Variants in SPOCK3 observed in about 807,000 individuals in gnomAD.
The protein encoded by SPOCK3 is testican-3.
SPOCK3 carries 30 observed loss-of-function variants against 56.6 expected under a neutral mutation model. That is an observed-to-expected ratio of 0.53 (90% CI 0.40 to 0.72). SPOCK3 has a LOEUF of 0.72. SPOCK3 is among the 30% of genes least tolerant of loss of function. The pLI is 0.00. For missense variants in SPOCK3, 527 were observed against 530.0 expected (o/e 0.99, Z 0.06); for synonymous variants, 196 against 183.3 (o/e 1.07, Z -0.56).
intron 4 of SPOCK3, among the ~76,000 whole-genome samples, chr4:166,925,982 A>G (rs1285655959): frequency 6.6e-6 from 1 of 152,198 alleles, no homozygotes; most frequent in Non-Finnish European, 1.5e-5. Context: ...AAAATCAAAT[A>G]AACTTCTTCT....
chr4:167,223,162 T>C (rs1282277215), intron 2 of SPOCK3, among the ~76,000 whole-genome samples: 1 of 127,436 alleles, frequency 7.8e-6, no homozygotes, highest in Non-Finnish European at 1.6e-5. Context: ...ATATATTTTA[T>C]ATATGAATAT....
intron 4 of SPOCK3, among the ~76,000 whole-genome samples, chr4:166,980,382 A>T (rs1223100253): frequency 2.0e-5 from 3 of 152,188 alleles, no homozygotes; most frequent in Non-Finnish European, 4.4e-5. Context: ...TTGCTTGATT[A>T]TGTCAATTGA....
chr4:166,905,662 TAGAA>T (rs1291164705), intron 5 of SPOCK3, among the ~76,000 whole-genome samples: 1 of 151,260 alleles, frequency 6.6e-6, no homozygotes, highest in Admixed American at 6.6e-5. Flanking sequence ...AGGCAAGAAA[TAGAA>T]AGATAAAAAA....
intron 4 of SPOCK3, among the ~76,000 whole-genome samples, chr4:166,996,962 C>G (rs1395335143): frequency 3.3e-5 from 5 of 152,112 alleles, no homozygotes; most frequent in African/African-American, 1.2e-4. Flanking sequence ...CGTTACATCC[C>G]TCATTTCATG....
At chr4:166,928,134 C>T (rs976084759) in intron 4 of SPOCK3, among the ~76,000 whole-genome samples, 1 of 152,124 alleles carries the variant, frequency 6.6e-6, no homozygotes, top group Non-Finnish European at 1.5e-5. Context: ...GGTGGGAATG[C>T]AAAATGATAC....
At chr4:167,070,563 A>C (rs973525245) in intron 2 of SPOCK3, among the ~76,000 whole-genome samples, 5 of 151,970 alleles carry the variant, frequency 3.3e-5, no homozygotes, top group African/African-American at 1.2e-4. Context: ...TATTATAATT[A>C]ACTTTTATTG....
chr4:167,035,310 C>T (rs897074821), intron 3 of SPOCK3, among the ~76,000 whole-genome samples: 1 of 151,728 alleles, frequency 6.6e-6, no homozygotes, highest in African/African-American at 2.4e-5. Flanking sequence ...TATATGATTA[C>T]CAGAACATCT....
At chr4:167,149,076 T>C (rs1022013813) in intron 2 of SPOCK3, among the ~76,000 whole-genome samples, 1 of 152,120 alleles carries the variant, frequency 6.6e-6, no homozygotes, top group South Asian at 2.1e-4. Context: ...ATAATGCATA[T>C]AGGAAATTAA....
intron 6 of SPOCK3, among the ~76,000 whole-genome samples, chr4:166,826,313 A>C (rs1019520830): frequency 6.6e-6 from 1 of 152,100 alleles, no homozygotes; most frequent in African/African-American, 2.4e-5. Context: ...GTGTTTTACA[A>C]TTTGGCAATT....
chr4:167,167,287 T>A (rs777931514), intron 2 of SPOCK3, among the ~76,000 whole-genome samples: 1 of 152,164 alleles, frequency 6.6e-6, no homozygotes, highest in East Asian at 1.9e-4. Context: ...ATGTAAGGAG[T>A]GTAATTCCTT....
intron 6 of SPOCK3, among the ~76,000 whole-genome samples, chr4:166,862,976 G>A (rs1386915242): frequency 6.6e-6 from 1 of 151,986 alleles, no homozygotes; most frequent in Non-Finnish European, 1.5e-5. Flanking sequence ...CTCCAAGTTT[G>A]AAATGAAGGA....
intron 9 of SPOCK3, among the ~76,000 whole-genome samples, chr4:166,738,467 T>C (rs1298482173): frequency 6.6e-6 from 1 of 151,646 alleles, no homozygotes; most frequent in Non-Finnish European, 1.5e-5. Flanking sequence ...GGTTTTTTTT[T>C]CTTTTTTTAT....
At chr4:167,137,618 CATT>C (rs1264685960) in intron 2 of SPOCK3, among the ~76,000 whole-genome samples, 1 of 151,816 alleles carries the variant, frequency 6.6e-6, no homozygotes, top group African/African-American at 2.4e-5. Context: ...TCCTATATAT[CATT>C]GATTCTTTCA....
intron 2 of SPOCK3, among the ~76,000 whole-genome samples, chr4:167,076,190 A>C (rs1463341643): frequency 6.6e-6 from 1 of 151,898 alleles, no homozygotes; most frequent in East Asian, 1.9e-4. Context: ...GGGAACAGGG[A>C]AACTATTTAG....
At chr4:167,174,092 C>T (rs907324537) in intron 2 of SPOCK3, among the ~76,000 whole-genome samples, 14 of 152,170 alleles carry the variant, frequency 9.2e-5, no homozygotes, top group African/African-American at 2.9e-4. Context: ...GAAACAATAA[C>T]ATTTTATTCC....
intron 2 of SPOCK3, among the ~76,000 whole-genome samples, chr4:167,199,928 GA>G (rs1235482032): frequency 6.6e-6 from 1 of 151,050 alleles, no homozygotes; most frequent in Non-Finnish European, 1.5e-5. Context: ...TACTAAAAAT[GA>G]AAAAAACCCA....
At chr4:166,787,301 A>G (rs1309300472) in intron 7 of SPOCK3, among the ~76,000 whole-genome samples, 1 of 152,202 alleles carries the variant, frequency 6.6e-6, no homozygotes, top group Admixed American at 6.5e-5. Flanking sequence ...GCATTTAAAC[A>G]TTCTTTGTAC....
intron 2 of SPOCK3, among the ~76,000 whole-genome samples, chr4:167,101,755 A>G (rs1450407247): frequency 7.7e-6 from 1 of 129,108 alleles, no homozygotes; most frequent in Non-Finnish European, 1.6e-5. Context: ...TTGCTCTGTC[A>G]CCAGGCTGCC....
At chr4:166,736,237 C>G (rs1488913733) in intron 10 of SPOCK3, among the ~76,000 whole-genome samples, 1 of 152,016 alleles carries the variant, frequency 6.6e-6, no homozygotes, top group African/African-American at 2.4e-5. Context: ...TGTCCACGTT[C>G]CAAAAGCAAT....
Sources: allele counts gnomAD v4.1 joint callset (sites outside exome capture counted in the v4.1 genomes callset), GRCh38; gene constraint gnomAD v4.1.1; transcripts MANE v1.5; gene names NCBI Gene and HGNC (gene_info 2026-07-23, HGNC 2026-07-21).